GRB10: variants seen among roughly 807,000 people sequenced by gnomAD.
The protein encoded by GRB10 is growth factor receptor-bound protein 10.
GRB10 carries 20 observed loss-of-function variants against 80.9 expected under a neutral mutation model. That is an observed-to-expected ratio of 0.25 (90% confidence interval 0.17 to 0.36). The LOEUF (loss-of-function observed/expected upper bound fraction) is 0.36, where lower values mean the gene tolerates loss of function less well. Among genes scored for constraint, GRB10 ranks in the 10% least tolerant of loss-of-function variants. The probability of loss-of-function intolerance (pLI) is 1.00; values close to 1 mark genes in which losing one functional copy is unlikely to be tolerated. For synonymous variants in GRB10, 291 were observed against 291.5 expected (o/e 1.00, Z 0.02); for missense variants, 548 against 747.7 (o/e 0.73, Z 3.12).
intron 5 of GRB10, among the ~76,000 whole-genome samples, chr7:50,694,317 C>T (rs2063185609): frequency 6.6e-6 from 1 of 152,180 alleles, no homozygotes; most frequent in African/African-American, 2.4e-5. Context: ...GAGCGAGACT[C>T]TGTCTCAAAA....
intron 3 of GRB10, among the ~76,000 whole-genome samples, chr7:50,751,658 C>G (rs2074128941): frequency 6.6e-6 from 1 of 152,158 alleles, no homozygotes; most frequent in African/African-American, 2.4e-5. Context: ...TCACATATGT[C>G]AAAATGCATC....
chr7:50,626,657 G>A (rs2052955047), intron 8 of GRB10, among the ~76,000 whole-genome samples, 165 bp downstream of exon 8: 1 of 152,246 alleles, frequency 6.6e-6, no homozygotes, highest in Non-Finnish European at 1.5e-5. Flanking sequence ...GGAGGGAGGA[G>A]AGTGAAATTT....
At chr7:50,726,687 A>G (rs1473240360) in intron 4 of GRB10, among the ~76,000 whole-genome samples, 2 of 152,226 alleles carry the variant, frequency 1.3e-5, no homozygotes, top group Non-Finnish European at 2.9e-5. Flanking sequence ...TGACACATTT[A>G]GGGACAATAC....
At chr7:50,690,945 T>G (rs1370670921) in intron 5 of GRB10, among the ~76,000 whole-genome samples, 1 of 152,128 alleles carries the variant, frequency 6.6e-6, no homozygotes, top group Non-Finnish European at 1.5e-5. Context: ...GACAATGGCT[T>G]TTTCAGTTCT....
At chr7:50,713,876 G>A (rs1030986667) in intron 4 of GRB10, among the ~76,000 whole-genome samples, 1 of 148,438 alleles carries the variant, frequency 6.7e-6, no homozygotes, top group African/African-American at 2.5e-5. Context: ...CTCACCTCTA[G>A]CTCCTCCTCC....
chr7:50,729,722 G>GC (rs373540236), intron 4 of GRB10, among the ~76,000 whole-genome samples: 249 of 150,340 alleles, frequency 1.7e-3, no homozygotes, highest in South Asian at 3.4e-3. Flanking sequence ...TACTAACGGA[G>GC]CCCCCCCCGA....
chr7:50,775,167 A>C (rs1179074584), intron 2 of GRB10, among the ~76,000 whole-genome samples: 1 of 130,286 alleles, frequency 7.7e-6, no homozygotes, highest in Non-Finnish European at 1.6e-5. Flanking sequence ...TCTCCAAAAA[A>C]AAAAAACAAA....
Position 50,619,298 on chromosome 7 carries a change from A to C in GRB10, c.662-13T>G. ...TCCAAGCACCTCTCTGCAGGGGCAA[A>C]GCATCACGTGTGAGACGCAACAGGT... On this transcript the variant is annotated splice_polypyrimidine_tract_variant and intron_variant, in intron 8 of 18. Transcript: ENST00000401949. The C allele has an allele frequency of 6.6e-7, 1 of 1,506,886 alleles. No homozygotes were observed. Among genetic ancestry groups the C allele is most frequent in the Non-Finnish European group, 9.2e-7 (1 of 1,084,554 alleles). 93.3% of individuals were successfully genotyped at this position (1,506,886 alleles called of 1,614,324 possible). A position where few individuals can be genotyped will look rare whatever the true frequency, so the allele number is the denominator to read the frequency against.
chr7:50,688,348 G>T (rs1207622121), intron 5 of GRB10, among the ~76,000 whole-genome samples: 2 of 152,192 alleles, frequency 1.3e-5, no homozygotes, highest in African/African-American at 4.8e-5. Context: ...AGGTCTGGGG[G>T]AGAAGTAAAA....
rs908195017 is a variant in GRB10 at position 50,594,771 on chromosome 7, C to T, written c.1638+666G>A. ...ACTGAAGTGAGAGGTAAACATCAGG[C>T]GAATCAAACATAAAGTGCTTTGTCA... On this transcript the variant is annotated intron_variant, in intron 18 of 18. Transcript: ENST00000401949. Among the ~76,000 whole-genome samples the T allele has an allele frequency of 8.6e-5, 13 of 151,990 alleles. 1 individual carries two copies. The highest frequency in any genetic ancestry group is 2.4e-4 in the African/African-American group (10 of 41,344).
At chr7:50,698,095 C>T (rs1185820674) in intron 5 of GRB10, among the ~76,000 whole-genome samples, 1 of 152,170 alleles carries the variant, frequency 6.6e-6, no homozygotes, top group Non-Finnish European at 1.5e-5. Flanking sequence ...TCATGCTTTC[C>T]TTTTTTGTAA....
chr7:50,654,740 C>G (rs897284614), intron 7 of GRB10, among the ~76,000 whole-genome samples: 3 of 152,188 alleles, frequency 2.0e-5, no homozygotes, highest in African/African-American at 7.2e-5. Flanking sequence ...TTCGCTTTAT[C>G]AAATTCCCAT....
intron 2 of GRB10, among the ~76,000 whole-genome samples, chr7:50,760,869 T>G (rs1011758339): frequency 6.6e-6 from 1 of 152,188 alleles, no homozygotes; most frequent in African/African-American, 2.4e-5. Context: ...CCACCCAAGA[T>G]GGTGGTGACA....
At position 50,591,044 on chromosome 7, in the gene GRB10, G is replaced by A. The variant is rs73344813; in HGVS notation, c.*1908C>T. On this transcript the variant is annotated 3_prime_UTR_variant, in exon 19 of 19. Transcript: ENST00000401949. ...AAAGGGTTTACCTCGAGCCAGTGAA[G>A]AGGAAGGAATCGTGGTGTAACTGCA... 101 of 152,334 alleles carry A rather than the reference G, an allele frequency of 6.6e-4. No individual in the cohort carries two copies. Among genetic ancestry groups the A allele is most frequent in the African/African-American group, 2.3e-3 (96 of 41,570 alleles). The allele number at this position is 152,334 out of a possible 1,614,324, so 9.4% of individuals were successfully genotyped here.
intron 3 of GRB10, among the ~76,000 whole-genome samples, chr7:50,754,907 A>T (rs1266207732): frequency 6.6e-6 from 1 of 152,210 alleles, no homozygotes; most frequent in Non-Finnish European, 1.5e-5. Flanking sequence ...GCCCTAATCC[A>T]ATACAACCGG....
At chr7:50,768,142 T>C (rs1477925537) in intron 2 of GRB10, among the ~76,000 whole-genome samples, 1 of 152,184 alleles carries the variant, frequency 6.6e-6, no homozygotes, top group Non-Finnish European at 1.5e-5. Flanking sequence ...CTCTCAGGCC[T>C]GCAGCCACCT....
chr7:50,766,981 T>A (rs1046334867), intron 2 of GRB10, among the ~76,000 whole-genome samples: 4 of 152,198 alleles, frequency 2.6e-5, no homozygotes, highest in Admixed American at 6.5e-5. Context: ...TGGTAAACAA[T>A]GATTAATGGC....
intron 7 of GRB10, among the ~76,000 whole-genome samples, chr7:50,628,561 AGGTGGGGGT>A (rs72350359): frequency 0.42 from 59,055 of 142,062 alleles, 11,685 homozygotes; most frequent in East Asian, 0.48. Context: ...CTGAGTGCCC[AGGTGGGGGT>A]GGTGGGGGTG....
chr7:50,593,218 C>G, intron 18 of GRB10, 120 bp from the exon 19 acceptor site: 1 of 1,154,880 alleles, frequency 8.7e-7, no homozygotes, highest in Non-Finnish European at 1.3e-6. Flanking sequence ...ACACACAGGG[C>G]AAGGTAGGCT....
Sources: gnomAD v4.1 joint callset for allele counts (sites outside exome capture counted in the v4.1 genomes callset) on GRCh38, gnomAD v4.1.1 for gene constraint, MANE v1.5 for transcripts, NCBI Gene and HGNC (gene_info 2026-07-23, HGNC 2026-07-21) for gene names.